Variants in PRKD2 observed in about 807,000 individuals in gnomAD.
PRKD2 encodes the protein protein kinase D2, also known as serine/threonine-protein kinase D2.
PRKD2 carries 22 observed loss-of-function variants against 86.0 expected under a neutral mutation model. The ratio of observed to expected loss-of-function variants is 0.26; its 90% CI spans 0.18 to 0.37. The LOEUF (loss-of-function observed/expected upper bound fraction) is 0.37. PRKD2 is among the 10% of genes least tolerant of loss of function. The pLI, the probability that PRKD2 is intolerant of heterozygous loss-of-function variation, is 1.00. For missense variants in PRKD2, 818 were observed against 1,199.2 expected, an observed-to-expected ratio of 0.68 and a Z score of 4.70; for synonymous variants, 509 against 510.9, an observed-to-expected ratio of 1.00 and a Z score of 0.05.
rs1409749587 is a variant in PRKD2 at position 46,716,742 on chromosome 19, G to A, written c.-372C>T. On this transcript the variant is annotated 5_prime_UTR_variant, in exon 1 of 18. Coordinates refer to ENST00000291281, the MANE Select transcript of PRKD2 (RefSeq NM_016457.5). This position sits in a 1 kb window ranked among gnomAD's most constrained non-coding sequence, Gnocchi z 7.9. ...TTCCCTAGAGGAGGGATTGAGAAGG[G>A]GGCAGAGGGAATCCCAGGATCCAGT... The A allele has an allele frequency of 1.2e-5, 2 of 168,100 alleles. No homozygotes were observed. The highest frequency in any genetic ancestry group is 2.4e-5 in the African/African-American group (1 of 41,992). The allele number at this position is 168,100 out of a possible 1,614,324, so 10.4% of individuals were successfully genotyped here.
In PRKD2 at chr19:46,706,600, C is replaced by G. The variant is rs117805810; in HGVS notation, c.512-1951G>C. Among the ~76,000 whole-genome samples the G allele has an allele frequency of 5.3e-5, 8 of 152,306 alleles. No homozygotes were observed. The East Asian group carries it at 1.5e-3, about 29-fold the overall frequency. On this transcript the variant is annotated intron_variant, in intron 3 of 17. Transcript: ENST00000291281. ...AGTTAAACTCCTGTCGGAATGTAGT[C>G]ATTTGGGGTTCTCTTGCCACCATAG... is the stretch of plus-strand genomic sequence containing the variant.
chr19:46,691,396 G>A (rs979023366), intron 12 of PRKD2, among the ~76,000 whole-genome samples: 2 of 151,990 alleles, frequency 1.3e-5, no homozygotes, highest in African/African-American at 4.8e-5. Context: ...TATGAATGCA[G>A]AATCTACTCT....
intron 2 of PRKD2, among the ~76,000 whole-genome samples, chr19:46,713,186 CTTTT>C (rs59172459): frequency 5.9e-5 from 7 of 119,004 alleles, no homozygotes; most frequent in African/African-American, 1.6e-4. Context: ...GCCCGGTTAA[CTTTT>C]TTTTTTTTTT....
Position 46,678,259 on chromosome 19 carries a change from T to G in PRKD2, c.2338+137A>C, listed in dbSNP as rs1272325260. The G allele has an allele frequency of 3.0e-6, 4 of 1,346,436 alleles. No individual in the cohort carries two copies. The highest frequency in any genetic ancestry group is 4.0e-6 in the Non-Finnish European group (4 of 998,230). The allele number at this position is 1,346,436 out of a possible 1,614,324, so 83.4% of individuals were successfully genotyped here. A position where few individuals can be genotyped will look rare whatever the true frequency, so the allele number is the denominator to read the frequency against. Reference sequence around the variant, plus strand: ...TCCTCCTGTAGCCACATCCCTCCAGTAGGCCCGCCCCAGCACTGGGCTCCA... The same window carrying G: ...TCCTCCTGTAGCCACATCCCTCCAGGAGGCCCGCCCCAGCACTGGGCTCCA... On this transcript the variant is annotated intron_variant, in intron 16 of 17. Transcript: ENST00000291281. The surrounding 1 kb of genome is among the most constrained non-coding windows in gnomAD (Gnocchi z 5.7).
In PRKD2 at chr19:46,716,349, G is replaced by C; in HGVS notation, c.22C>G (p.Pro8Ala). ...CCGGGAGAGCCAGGGAGCCCGGCGG[G>C]ATAAGAGGGGGCGGTGGCCATGGGG... is the stretch of plus-strand genomic sequence containing the variant. Reference protein sequence around the residue: MATAPSYPAGLPGSPGPG... With the variant: MATAPSYAAGLPGSPGPG... The change falls in exon 1 of 18, where the codon CCC (proline) becomes GCC (alanine). Residue 8 changes from proline (P) to alanine (A), a missense_variant. By Grantham distance (27) the Pro-to-Ala change is conservative. This residue lies in a region of PRKD2 where 403 missense variants were observed against 518.6 expected (regional missense o/e 0.78). Transcript: ENST00000291281. This position sits in a 1 kb window ranked among gnomAD's most constrained non-coding sequence, Gnocchi z 7.9. 7.0e-7 allele frequency: 1 copy of C among 1,426,536 alleles called. No individual in the cohort carries two copies. Among genetic ancestry groups the C allele is most frequent in the Non-Finnish European group, 9.2e-7 (1 of 1,087,896 alleles). 88.4% of individuals were successfully genotyped at this position (1,426,536 alleles called of 1,614,324 possible).
chr19:46,681,599 G>A (rs764846940), intron 15 of PRKD2, 51 bp downstream of exon 15: 14 of 215,932 alleles, frequency 6.5e-5, no homozygotes, highest in African/African-American at 1.9e-4. Context: ...CCCCCACCCC[G>A]GCCATCAGTG....
intron 2 of PRKD2, among the ~76,000 whole-genome samples, chr19:46,712,375 T>A (rs1250679446): frequency 1.3e-5 from 2 of 151,668 alleles, no homozygotes; most frequent in African/African-American, 4.9e-5. Context: ...ATCCCGTCTC[T>A]ACTAAAAATA....
At chr19:46,709,176 A>G (rs1164590260) in intron 3 of PRKD2, 1 of 155,286 alleles carries the variant, frequency 6.4e-6, no homozygotes, top group Non-Finnish European at 1.5e-5. Context: ...GGGTTTCACC[A>G]TGTTGGCCAG....
chr19:46,708,912 G>A (rs1313395093), intron 3 of PRKD2, among the ~76,000 whole-genome samples: 3 of 151,932 alleles, frequency 2.0e-5, no homozygotes, highest in Non-Finnish European at 2.9e-5. Flanking sequence ...TTGGCTAGGC[G>A]AGATCCACAG....
intron 11 of PRKD2, 23 bp downstream of exon 11, chr19:46,691,910 T>A (rs371775880): frequency 5.0e-6 from 8 of 1,612,546 alleles, no homozygotes; most frequent in Non-Finnish European, 5.9e-6. Flanking sequence ...GGGGAGGGCA[T>A]CAGGTGGGGG....
intron 14 of PRKD2, 77 bp downstream of exon 14, chr19:46,689,460 C>A (rs2053451453): frequency 1.4e-6 from 2 of 1,481,216 alleles, no homozygotes; most frequent in Non-Finnish European, 1.8e-6. Flanking sequence ...GTCTGCTTGA[C>A]CCCCTAGGCA....
At chr19:46,712,782 C>T (rs2053827032) in intron 2 of PRKD2, among the ~76,000 whole-genome samples, 1 of 152,146 alleles carries the variant, frequency 6.6e-6, no homozygotes, top group Admixed American at 6.5e-5. Flanking sequence ...GGCAGCTGCC[C>T]CCACCCTCAA....
At chr19:46,675,773 CTT>C (rs201079581) in intron 16 of PRKD2, among the ~76,000 whole-genome samples, 5 of 144,386 alleles carry the variant, frequency 3.5e-5, no homozygotes, top group Non-Finnish European at 3.1e-5. Flanking sequence ...ACAATACTTC[CTT>C]TTTTTTTTTT....
intron 9 of PRKD2, among the ~76,000 whole-genome samples, chr19:46,694,403 T>C (rs947729812): frequency 3.3e-5 from 5 of 151,796 alleles, no homozygotes; most frequent in East Asian, 2.0e-4. Flanking sequence ...GAGACCAGCC[T>C]GGCCAACATG....
intron 2 of PRKD2, 152 bp from the exon 3 acceptor site, chr19:46,711,190 G>A (rs1226055244): frequency 8.5e-7 from 1 of 1,172,496 alleles, no homozygotes; most frequent in African/African-American, 1.6e-5. Flanking sequence ...TTCTGCCTGG[G>A]TTCAAATCCC....
intron 2 of PRKD2, among the ~76,000 whole-genome samples, chr19:46,713,180 G>A (rs993530363): frequency 1.1e-4 from 16 of 144,718 alleles, no homozygotes; most frequent in African/African-American, 2.2e-4. Context: ...CACCTCGCCC[G>A]GTTAACTTTT....
At chr19:46,704,687 G>C (rs763063898) in intron 3 of PRKD2, 38 bp from the exon 4 acceptor site, 2 of 1,559,646 alleles carry the variant, frequency 1.3e-6, no homozygotes, top group African/African-American at 1.4e-5. Flanking sequence ...CATGGCGTCT[G>C]CCCCTCCTAG....
In PRKD2 at chr19:46,684,927, C is replaced by T. The variant is rs577797763; in HGVS notation, c.1972-3179G>A. 2.0e-5 allele frequency among the ~76,000 whole-genome samples: 3 copies of T among 147,138 alleles called. No individual in the cohort carries two copies. In the South Asian group the frequency reaches 6.4e-4, roughly 32 times the overall value. On this transcript the variant is annotated intron_variant, in intron 14 of 17. Coordinates refer to ENST00000291281, the MANE Select transcript of PRKD2 (RefSeq NM_016457.5). Reference sequence around the variant, plus strand: ...GCAGTGAGCTGAGATAGCGCCACTGCACTCCAGCCTGGGCAACAGAGCGAG... The same window carrying T: ...GCAGTGAGCTGAGATAGCGCCACTGTACTCCAGCCTGGGCAACAGAGCGAG...
intron 5 of PRKD2, among the ~76,000 whole-genome samples, chr19:46,702,031 G>GTTTTTTTTTTTT: frequency 8.2e-6 from 1 of 122,158 alleles, no homozygotes; most frequent in Non-Finnish European, 1.8e-5. Context: ...CTATGATTCT[G>GTTTTTTTTTTTT]TTTTTTGTTT....
Sources: gnomAD v4.1 joint callset for allele counts (sites outside exome capture counted in the v4.1 genomes callset) on GRCh38, gnomAD v4.1.1 for gene constraint, gnomAD v4.1.1 regional missense constraint, Gnocchi (gnomAD v3.1) non-coding constraint, MANE v1.5 for transcripts, NCBI Gene and HGNC (gene_info 2026-07-23, HGNC 2026-07-21) for gene names.